The following CTNNBIP1 variants were observed in gnomAD, a reference collection of about 807,000 sequenced individuals.
The protein encoded by CTNNBIP1 is beta-catenin-interacting protein 1.
CTNNBIP1 carries 7 observed loss-of-function variants against 11.8 expected under a neutral mutation model. The observed-to-expected ratio is 0.60, with a 90% CI of 0.34 to 1.12. The LOEUF is 1.12. CTNNBIP1 is among the 50% of genes most tolerant of loss of function. The probability of loss-of-function intolerance (pLI) is 0.03; values close to 1 mark genes in which losing one functional copy is unlikely to be tolerated. For missense variants in CTNNBIP1, 101 were observed against 113.4 expected, an observed-to-expected ratio of 0.89 and a Z score of 0.50; for synonymous variants, 58 against 43.9, an observed-to-expected ratio of 1.32 and a Z score of -1.26.
intron 5 of CTNNBIP1, among the ~76,000 whole-genome samples, chr1:9,861,396 G>C (rs147432185): frequency 1.3e-5 from 2 of 152,180 alleles, no homozygotes; most frequent in South Asian, 4.1e-4. Flanking sequence ...TCAGCAGCTC[G>C]GGACTATGAG....
chr1:9,899,596 T>G (rs1639480961), intron 1 of CTNNBIP1, among the ~76,000 whole-genome samples: 1 of 147,004 alleles, frequency 6.8e-6, no homozygotes, highest in African/African-American at 2.5e-5. Context: ...CCATCTCTAC[T>G]AAAATACAAA....
In CTNNBIP1 at chr1:9,883,232, C is replaced by G. The variant is rs899346277; in HGVS notation, c.-110+473G>C. On this transcript the variant is annotated intron_variant, in intron 2 of 5. Transcript: ENST00000377263. The surrounding 1 kb of genome is among the most constrained non-coding windows in gnomAD (Gnocchi z 5.6). Reference sequence around the variant, plus strand: ...AGATGACTCGGGCAGAGTGGTCTCCCAGGAAGACCGGAGTCTGGGTGGATT... The same window carrying G: ...AGATGACTCGGGCAGAGTGGTCTCCGAGGAAGACCGGAGTCTGGGTGGATT... Among the ~76,000 whole-genome samples the G allele has an allele frequency of 1.6e-4, 24 of 152,162 alleles. No homozygotes were observed. Among genetic ancestry groups the G allele is most frequent in the East Asian group, 5.8e-4 (3 of 5,180 alleles).
intron 5 of CTNNBIP1, among the ~76,000 whole-genome samples, chr1:9,853,277 T>C (rs1336628568): frequency 6.6e-6 from 1 of 152,214 alleles, no homozygotes; most frequent in Non-Finnish European, 1.5e-5. Flanking sequence ...GGCTCTCAGT[T>C]CTTCCAGAGC....
At chr1:9,888,354 C>T (rs1312434438) in intron 1 of CTNNBIP1, among the ~76,000 whole-genome samples, 1 of 151,534 alleles carries the variant, frequency 6.6e-6, no homozygotes, top group Non-Finnish European at 1.5e-5. Context: ...GGCTGAGGTG[C>T]GCGGATCACC....
At chr1:9,897,466 C>T (rs975986377) in intron 1 of CTNNBIP1, among the ~76,000 whole-genome samples, 4 of 148,264 alleles carry the variant, frequency 2.7e-5, no homozygotes, top group Non-Finnish European at 4.5e-5. Context: ...AAAACAAAAA[C>T]AAAAACAAAA....
intron 1 of CTNNBIP1, among the ~76,000 whole-genome samples, chr1:9,895,153 C>T (rs552808283): frequency 5.9e-5 from 9 of 152,044 alleles, no homozygotes; most frequent in Non-Finnish European, 1.0e-4. Context: ...ATGATACGCC[C>T]GCCTCGGCCT....
intron 2 of CTNNBIP1, among the ~76,000 whole-genome samples, chr1:9,882,837 A>G (rs956677386): frequency 6.6e-6 from 1 of 152,246 alleles, no homozygotes; most frequent in African/African-American, 2.4e-5. Flanking sequence ...GCAAAAGCAG[A>G]GGAATGGCAC....
At chr1:9,866,406 G>T (rs975009448) in intron 5 of CTNNBIP1, among the ~76,000 whole-genome samples, 11 of 152,144 alleles carry the variant, frequency 7.2e-5, no homozygotes, top group Admixed American at 6.5e-5. Flanking sequence ...TTTTAAGTTG[G>T]GTGGAGGCTG....
At chr1:9,877,640 A>G (rs1029974898) in intron 3 of CTNNBIP1, among the ~76,000 whole-genome samples, 1 of 152,266 alleles carries the variant, frequency 6.6e-6, no homozygotes, top group African/African-American at 2.4e-5. Flanking sequence ...ACAATGCCAT[A>G]GAATTGGTGG....
intron 1 of CTNNBIP1, among the ~76,000 whole-genome samples, chr1:9,888,825 T>C (rs1639239990): frequency 6.6e-6 from 1 of 152,192 alleles, no homozygotes; most frequent in Non-Finnish European, 1.5e-5. Context: ...TTCACAGCAG[T>C]GCCGTGCACG....
intron 1 of CTNNBIP1, among the ~76,000 whole-genome samples, chr1:9,892,327 C>A (rs1639320579): frequency 6.6e-6 from 1 of 151,262 alleles, no homozygotes; most frequent in Non-Finnish European, 1.5e-5. Flanking sequence ...GAGGCTGAGG[C>A]AGGAGAATGG....
intron 5 of CTNNBIP1, among the ~76,000 whole-genome samples, chr1:9,860,131 C>A (rs1156997014): frequency 6.6e-6 from 1 of 152,156 alleles, no homozygotes; most frequent in African/African-American, 2.4e-5. Flanking sequence ...GAGCACAAGT[C>A]CTTCCTCCAA....
intron 1 of CTNNBIP1, among the ~76,000 whole-genome samples, chr1:9,896,419 C>A (rs982246225): frequency 1.3e-5 from 2 of 152,198 alleles, no homozygotes; most frequent in Non-Finnish European, 2.9e-5. Flanking sequence ...TAGAAGTCAG[C>A]CGGGTGCAGT....
intron 5 of CTNNBIP1, among the ~76,000 whole-genome samples, chr1:9,856,990 C>T (rs1327067903): frequency 6.6e-6 from 1 of 151,624 alleles, no homozygotes; most frequent in African/African-American, 2.4e-5. Flanking sequence ...GGTGTGGTGG[C>T]GGGCACCTGT....
intron 5 of CTNNBIP1, among the ~76,000 whole-genome samples, chr1:9,859,085 G>A (rs963340303): frequency 6.6e-6 from 1 of 152,112 alleles, no homozygotes; most frequent in Non-Finnish European, 1.5e-5. Flanking sequence ...GTGCCAACCT[G>A]GGAACAGCCC....
At chr1:9,901,842 AG>A (rs1379979041) in intron 1 of CTNNBIP1, among the ~76,000 whole-genome samples, 1 of 152,154 alleles carries the variant, frequency 6.6e-6, no homozygotes, top group Non-Finnish European at 1.5e-5. Flanking sequence ...TAGCACCGGG[AG>A]TGCCACATAC....
chr1:9,894,050 T>C (rs1283256126), intron 1 of CTNNBIP1, among the ~76,000 whole-genome samples: 1 of 151,312 alleles, frequency 6.6e-6, no homozygotes, highest in African/African-American at 2.4e-5. Context: ...AACAAAGTTG[T>C]TTTTTTTTCT....
rs150360638 is a variant in CTNNBIP1 at position 9,872,057 on chromosome 1, C to A, written c.8G>T (p.Arg3Leu). The A allele has an allele frequency of 2.0e-5, 32 of 1,613,894 alleles. No individual in the cohort carries two copies. The highest frequency in any genetic ancestry group is 2.5e-5 in the Non-Finnish European group (30 of 1,179,862). ...CGGACTCTTCCCGGGAGCTCCCTCGCGGTTCATCCCCCTGCCTGGCTCTGG... is the reference window on the plus strand; with the variant it reads ...CGGACTCTTCCCGGGAGCTCCCTCGAGGTTCATCCCCCTGCCTGGCTCTGG... Reference protein sequence around the residue: MNREGAPGKSPEE... With the variant: MNLEGAPGKSPEE... The change falls in exon 4 of 6, where the codon CGC becomes CTC. Residue 3 changes from arginine to leucine, a missense_variant. By Grantham distance (102) the Arg-to-Leu change is moderately radical (BLOSUM62 -2). Coordinates refer to ENST00000377263, the MANE Select transcript of CTNNBIP1 (RefSeq NM_020248.3). This position sits in a 1 kb window ranked among gnomAD's most constrained non-coding sequence, Gnocchi z 4.0.
chr1:9,858,540 C>G lies in CTNNBIP1; in HGVS notation c.188-7764G>C, dbSNP rs557953577. Among the ~76,000 whole-genome samples the G allele has an allele frequency of 1.6e-3, 240 of 152,336 alleles. 1 individual carries two copies. Among genetic ancestry groups the G allele is most frequent in the African/African-American group, 5.7e-3 (237 of 41,570 alleles). On this transcript the variant is annotated intron_variant, in intron 5 of 5. Transcript: ENST00000377263. Reference sequence around the variant, plus strand: ...CCGCTTCTGTTGCCTTGATGTTCTTCTCCAAGTTTATCCCATGGTTCTTGC... The same window carrying G: ...CCGCTTCTGTTGCCTTGATGTTCTTGTCCAAGTTTATCCCATGGTTCTTGC...
Sources: allele counts gnomAD v4.1 joint callset (sites outside exome capture counted in the v4.1 genomes callset), GRCh38; gene constraint gnomAD v4.1.1; non-coding constraint Gnocchi (gnomAD v3.1); transcripts MANE v1.5; gene names NCBI Gene and HGNC (gene_info 2026-07-23, HGNC 2026-07-21).